PLCH1: variants seen among roughly 807,000 people sequenced by gnomAD.
PLCH1 encodes the protein 1-phosphatidylinositol 4,5-bisphosphate phosphodiesterase eta-1.
PLCH1 carries 60 observed loss-of-function variants against 126.7 expected under a neutral mutation model. The ratio of observed to expected loss-of-function variants is 0.47; its 90% CI spans 0.38 to 0.59. The LOEUF is 0.59. PLCH1 is among the 20% of genes least tolerant of loss of function. The probability of loss-of-function intolerance (pLI) is 0.00; values close to 1 mark genes in which losing one functional copy is unlikely to be tolerated. For synonymous variants in PLCH1, 719 were observed against 734.9 expected (o/e 0.98, Z 0.35); for missense variants, 1,723 against 2,040.0 (o/e 0.84, Z 2.99).
intron 10 of PLCH1, among the ~76,000 whole-genome samples, chr3:155,529,735 A>G (rs1344631302): frequency 1.3e-5 from 2 of 148,740 alleles, no homozygotes; most frequent in Non-Finnish European, 1.5e-5. Context: ...GCTGAAGGTT[A>G]GGTGACTGTG....
chr3:155,743,283 A>C (rs929974499), intron 1 of PLCH1: 5 of 450,754 alleles, frequency 1.1e-5, no homozygotes, highest in African/African-American at 1.0e-4. Flanking sequence ...TGTGATCCCC[A>C]CACTTTGGGA....
intron 5 of PLCH1, 45 bp from the exon 6 acceptor site, chr3:155,583,687 T>C (rs1198263546): frequency 7.2e-7 from 1 of 1,385,810 alleles, no homozygotes; most frequent in Admixed American, 2.6e-5. Context: ...AAGTTAGAAA[T>C]AGGAAATTCA....
chr3:155,706,843 T>G (rs1746713135), intron 1 of PLCH1, among the ~76,000 whole-genome samples: 1 of 152,050 alleles, frequency 6.6e-6, no homozygotes, highest in South Asian at 2.1e-4. Flanking sequence ...GCTACCACAC[T>G]GTAAGGAAGC....
chr3:155,681,426 CA>C (rs1381486235), intron 2 of PLCH1, among the ~76,000 whole-genome samples: 1 of 152,146 alleles, frequency 6.6e-6, no homozygotes, highest in Admixed American at 6.5e-5. Context: ...GAACCTGAGG[CA>C]AAAAGCACTT....
intron 2 of PLCH1, among the ~76,000 whole-genome samples, chr3:155,636,822 A>T (rs553907891): frequency 6.6e-6 from 1 of 152,350 alleles, no homozygotes; most frequent in East Asian, 1.9e-4. Flanking sequence ...TGAGTACAAA[A>T]TGAGATAAGT....
At chr3:155,580,420 T>A (rs1047792016) in intron 6 of PLCH1, among the ~76,000 whole-genome samples, 1 of 152,144 alleles carries the variant, frequency 6.6e-6, no homozygotes, top group East Asian at 1.9e-4. Context: ...AAAATGTTAA[T>A]ATAAATAAGG....
intron 2 of PLCH1, among the ~76,000 whole-genome samples, chr3:155,623,402 G>A (rs547531729): frequency 2.0e-3 from 304 of 152,004 alleles, no homozygotes; most frequent in Middle Eastern, 3.4e-3. Flanking sequence ...AAATAACTAA[G>A]ATTAGAGCAG....
intron 2 of PLCH1, among the ~76,000 whole-genome samples, chr3:155,667,791 G>A (rs1042637887): frequency 7.3e-5 from 11 of 151,002 alleles, no homozygotes; most frequent in African/African-American, 2.0e-4. Flanking sequence ...TTGGCCAAGC[G>A]CGATGGCACA....
intron 2 of PLCH1, among the ~76,000 whole-genome samples, chr3:155,623,255 A>G (rs904304786): frequency 2.6e-5 from 4 of 152,246 alleles, no homozygotes; most frequent in African/African-American, 9.6e-5. Context: ...CATTTAAAGC[A>G]GTGTGTAGAG....
chr3:155,624,838 A>G (rs139742900), intron 2 of PLCH1, among the ~76,000 whole-genome samples: 3,235 of 152,322 alleles, frequency 0.021, 46 homozygotes, highest in Non-Finnish European at 0.031. Context: ...TATAGATTCA[A>G]TGCTCTCCCC....
intron 2 of PLCH1, among the ~76,000 whole-genome samples, chr3:155,672,663 G>A (rs373941001): frequency 6.6e-5 from 10 of 152,144 alleles, no homozygotes; most frequent in African/African-American, 2.2e-4. Flanking sequence ...GTGGACAAGA[G>A]GTCACGACCT....
chr3:155,562,991 CA>C (rs1198253905), intron 8 of PLCH1, among the ~76,000 whole-genome samples: 1 of 152,198 alleles, frequency 6.6e-6, no homozygotes, highest in African/African-American at 2.4e-5. Flanking sequence ...TCCCTGCTGT[CA>C]AATACAACTA....
At chr3:155,737,533 G>A (rs541294187) in intron 1 of PLCH1, among the ~76,000 whole-genome samples, 5 of 151,898 alleles carry the variant, frequency 3.3e-5, no homozygotes, top group African/African-American at 1.2e-4. Context: ...AAGAAAAGGT[G>A]GTTCCCCCTC....
chr3:155,648,807 CT>C (rs1397026148), intron 2 of PLCH1, among the ~76,000 whole-genome samples: 2 of 152,210 alleles, frequency 1.3e-5, no homozygotes, highest in East Asian at 3.9e-4. Flanking sequence ...TCAGAGAAGG[CT>C]TCTCAGTGGA....
intron 21 of PLCH1, among the ~76,000 whole-genome samples, chr3:155,458,437 G>GAAAGAAA (rs1712537337): frequency 1.4e-5 from 1 of 73,652 alleles, no homozygotes; most frequent in Non-Finnish European, 2.3e-5. Context: ...AAGGAAGGAA[G>GAAAGAAA]GAAGGAAGGA....
intron 21 of PLCH1, among the ~76,000 whole-genome samples, chr3:155,466,698 G>A (rs1396956285): frequency 6.6e-6 from 1 of 152,202 alleles, no homozygotes; most frequent in Non-Finnish European, 1.5e-5. Flanking sequence ...CTGTCAGACA[G>A]AGAATTCAAA....
intron 2 of PLCH1, among the ~76,000 whole-genome samples, chr3:155,642,488 G>A (rs1329672814): frequency 6.6e-6 from 1 of 152,214 alleles, no homozygotes; most frequent in African/African-American, 2.4e-5. Context: ...ATTTGTGGGT[G>A]TGTCTGTGAG....
rs1206807909 is a variant in PLCH1 at position 155,480,768 on chromosome 3, T to C, written c.*200A>G. ...TTTACAACAACTCAAGGGAGAAAGA[T>C]CATAATAGGTACATGGGAAATGTCA... On this transcript the variant is annotated 3_prime_UTR_variant, in exon 23 of 23. Coordinates refer to ENST00000460012, the MANE Select transcript of PLCH1 (RefSeq NM_014996.4). The C allele has an allele frequency of 3.2e-5, 18 of 558,826 alleles. No individual in the cohort carries two copies. The highest frequency in any genetic ancestry group is 4.7e-5 in the Non-Finnish European group (15 of 316,824). 34.6% of individuals were successfully genotyped at this position (558,826 alleles called of 1,614,324 possible). A position where few individuals can be genotyped will look rare whatever the true frequency, so the allele number is the denominator to read the frequency against.
intron 5 of PLCH1, among the ~76,000 whole-genome samples, chr3:155,585,221 TG>T (rs1731202790): frequency 6.6e-6 from 1 of 152,184 alleles, no homozygotes; most frequent in South Asian, 2.1e-4. Flanking sequence ...CATTTATTGT[TG>T]CAACACATAC....
Sources: gnomAD v4.1 joint callset for allele counts (sites outside exome capture counted in the v4.1 genomes callset) on GRCh38, gnomAD v4.1.1 for gene constraint, MANE v1.5 for transcripts, NCBI Gene and HGNC (gene_info 2026-07-23, HGNC 2026-07-21) for gene names.